EXOC5: variants seen among roughly 807,000 people sequenced by gnomAD.
EXOC5 encodes exocyst complex component 5.
EXOC5 carries 17 observed loss-of-function variants against 90.8 expected under a neutral mutation model. The observed-to-expected ratio is 0.19, with a 90% CI of 0.13 to 0.28. The LOEUF is 0.28. EXOC5 is among the 10% of genes least tolerant of loss of function. The pLI, the probability that EXOC5 is intolerant of heterozygous loss-of-function variation, is 1.00. For missense variants in EXOC5, 569 were observed against 830.6 expected (o/e 0.69, Z 3.87); for synonymous variants, 260 against 270.0 (o/e 0.96, Z 0.36).
At chr14:57,217,570 C>T (rs1294291414) in intron 15 of EXOC5, among the ~76,000 whole-genome samples, 1 of 152,118 alleles carries the variant, frequency 6.6e-6, no homozygotes, top group African/African-American at 2.4e-5. Flanking sequence ...AGTGTGTGTT[C>T]TGACTACTCC....
intron 4 of EXOC5, among the ~76,000 whole-genome samples, chr14:57,241,585 T>C (rs1883859684): frequency 6.6e-6 from 1 of 152,224 alleles, no homozygotes. Flanking sequence ...ATGGCACTTG[T>C]TTATATTGAA....
chr14:57,212,741 C>T (rs1305688047), intron 15 of EXOC5, among the ~76,000 whole-genome samples: 1 of 152,208 alleles, frequency 6.6e-6, no homozygotes, highest in Non-Finnish European at 1.5e-5. Context: ...AAACATAACG[C>T]TGTGTCTGTT....
At chr14:57,261,315 G>C (rs1045018160) in intron 1 of EXOC5, among the ~76,000 whole-genome samples, 2 of 152,176 alleles carry the variant, frequency 1.3e-5, no homozygotes, top group African/African-American at 4.8e-5. Context: ...CTAATTTCCT[G>C]GGAACACCAG....
chr14:57,243,493 T>C (rs1883936589), intron 4 of EXOC5: 2 of 152,206 alleles, frequency 1.3e-5, no homozygotes, highest in East Asian at 3.9e-4. Flanking sequence ...GCTATGTACA[T>C]ACAAGATCCA....
At position 57,230,433 on chromosome 14, in the gene EXOC5, A is replaced by G. The variant is rs1347287049; in HGVS notation, c.1149-552T>C. On this transcript the variant is annotated intron_variant, in intron 11 of 17. Coordinates refer to ENST00000621441, the MANE Select transcript of EXOC5 (RefSeq NM_006544.4). Reference sequence around the variant, plus strand: ...ACTTGAGACTACCGTAAACACACACACACACACACACAAACACACACACAA... The same window carrying G: ...ACTTGAGACTACCGTAAACACACACGCACACACACACAAACACACACACAA... Among the ~76,000 whole-genome samples, 5 of 150,140 alleles carry G rather than the reference A, an allele frequency of 3.3e-5. No individual in the cohort carries two copies. The East Asian group carries it at 7.7e-4, about 23-fold the overall frequency.
chr14:57,240,630 G>A (rs1006451792), intron 4 of EXOC5, among the ~76,000 whole-genome samples: 1 of 152,008 alleles, frequency 6.6e-6, no homozygotes, highest in African/African-American at 2.4e-5. Flanking sequence ...ACTTAGGCAA[G>A]AGTTCTAAAA....
At chr14:57,227,060 A>G (rs1380018369) in intron 12 of EXOC5, among the ~76,000 whole-genome samples, 1 of 152,182 alleles carries the variant, frequency 6.6e-6, no homozygotes, top group Admixed American at 6.5e-5. Context: ...AAATGTGCAA[A>G]TCATATCTGA....
At chr14:57,230,145 A>G (rs539973118) in intron 11 of EXOC5, among the ~76,000 whole-genome samples, 1 of 152,316 alleles carries the variant, frequency 6.6e-6, no homozygotes, top group South Asian at 2.1e-4. Context: ...ACTCAATAGT[A>G]AAACTTGCTG....
chr14:57,222,783 A>G (rs1883189693), intron 12 of EXOC5, among the ~76,000 whole-genome samples: 1 of 151,044 alleles, frequency 6.6e-6, no homozygotes, highest in Non-Finnish European at 1.5e-5. Context: ...ATATATATGT[A>G]TACACACACA....
intron 17 of EXOC5, 67 bp from the exon 18 acceptor site, chr14:57,208,864 A>G: frequency 9.4e-7 from 1 of 1,058,294 alleles, no homozygotes; most frequent in Non-Finnish European, 1.4e-6. Flanking sequence ...ATTAGCTTGT[A>G]ACTTTTTACA....
At chr14:57,218,749 A>G (rs1883042962) in intron 14 of EXOC5, among the ~76,000 whole-genome samples, 2 of 152,074 alleles carry the variant, frequency 1.3e-5, no homozygotes, top group African/African-American at 4.8e-5. Context: ...AATGTCAAAA[A>G]ATTTTATATG....
rs77448304 is a variant in EXOC5 at position 57,267,300 on chromosome 14, T to C, written c.27+1322A>G. 9.3e-3 allele frequency among the ~76,000 whole-genome samples: 1,416 copies of C among 152,284 alleles called. 24 individuals carry two copies. The highest frequency in any genetic ancestry group is 0.032 in the African/African-American group (1,336 of 41,540). On this transcript the variant is annotated intron_variant, in intron 1 of 17. Coordinates refer to ENST00000621441, the MANE Select transcript of EXOC5 (RefSeq NM_006544.4). ...TCTTTCTTGTAATTACAATCCTTCATTCACAAATTACTGTCTTATTACAAC... is the reference window on the plus strand; with the variant it reads ...TCTTTCTTGTAATTACAATCCTTCACTCACAAATTACTGTCTTATTACAAC...
rs1882776052 is a variant in EXOC5, at chr14:57,209,973, C to T, written c.1702G>A (p.Val568Ile). ...CTCACATTAGTATATTGAATCAAAA[C>T]ATTGTTTTCATCTTCTGGCTTAAAA... Reference protein sequence around the residue: ...TDFKPEDENNVLIQYTNACVK... With the variant: ...TDFKPEDENNILIQYTNACVK... The change falls in exon 16 of 18, where the codon GTT becomes ATT. Residue 568 changes from valine to isoleucine, a missense_variant. Transcript: ENST00000621441. The T allele has an allele frequency of 6.4e-7, 1 of 1,559,370 alleles. No homozygotes were observed. The highest frequency in any genetic ancestry group is 1.3e-5 in the African/African-American group (1 of 74,166).
chr14:57,263,707 G>T (rs1191150536), intron 1 of EXOC5, among the ~76,000 whole-genome samples: 1 of 138,204 alleles, frequency 7.2e-6, no homozygotes, highest in African/African-American at 2.7e-5. Flanking sequence ...AGAGGTTACA[G>T]TGAGCTGAGA....
chr14:57,263,829 T>C (rs985864318), intron 1 of EXOC5, among the ~76,000 whole-genome samples: 2 of 151,582 alleles, frequency 1.3e-5, no homozygotes, highest in African/African-American at 2.4e-5. Flanking sequence ...CTCCCTATTC[T>C]TAAAATATGC....
intron 13 of EXOC5, 69 bp downstream of exon 13, chr14:57,222,239 C>T: frequency 5.6e-6 from 4 of 720,638 alleles, no homozygotes; most frequent in Non-Finnish European, 2.3e-6. Context: ...AGCAAAACAA[C>T]ATTATGCATA....
In EXOC5 at chr14:57,236,303, T is replaced by C. The variant is rs573554056; in HGVS notation, c.560-483A>G. ...TTTCATTTTCTTTTTTTTTTTTTTT[T>C]CGAGACAGAGTTTCTCTGTGTCACC... On this transcript the variant is annotated intron_variant, in intron 6 of 17. Transcript: ENST00000621441. 2.6e-5 allele frequency among the ~76,000 whole-genome samples: 4 copies of C among 150,970 alleles called. No homozygotes were observed. In the South Asian group the frequency reaches 6.3e-4, roughly 24 times the overall value.
intron 1 of EXOC5, among the ~76,000 whole-genome samples, chr14:57,249,785 T>C (rs1236800196): frequency 6.6e-6 from 1 of 152,150 alleles, no homozygotes; most frequent in Non-Finnish European, 1.5e-5. Flanking sequence ...TTATTTATTT[T>C]TTTGAGACTG....
chr14:57,252,549 T>C (rs1884225576), intron 1 of EXOC5, among the ~76,000 whole-genome samples: 1 of 152,160 alleles, frequency 6.6e-6, no homozygotes, highest in Non-Finnish European at 1.5e-5. Context: ...TCAACACCAT[T>C]AATCATCAAG....
Sources: gnomAD v4.1 joint callset for allele counts (sites outside exome capture counted in the v4.1 genomes callset) on GRCh38, gnomAD v4.1.1 for gene constraint, MANE v1.5 for transcripts, NCBI Gene and HGNC (gene_info 2026-07-23, HGNC 2026-07-21) for gene names.